PTGER3: variants seen among roughly 807,000 people sequenced by gnomAD.
The protein encoded by PTGER3 is prostaglandin E2 receptor EP3 subtype.
Under a neutral mutation model 34.7 loss-of-function variants are expected in PTGER3, and 22 were observed. That is an observed-to-expected ratio of 0.63 (90% confidence interval 0.45 to 0.91). The LOEUF (loss-of-function observed/expected upper bound fraction) is 0.91, where lower values mean the gene tolerates loss of function less well. Ranked by LOEUF, PTGER3 falls within the 40% of genes least tolerant of loss-of-function variation. The probability of loss-of-function intolerance (pLI) is 0.00; values close to 1 mark genes in which losing one functional copy is unlikely to be tolerated. For missense variants in PTGER3, 468 were observed against 519.4 expected (o/e 0.90, Z 0.96); for synonymous variants, 241 against 230.1 (o/e 1.05, Z -0.43).
At chr1:70,887,481 G>T (rs1274974578) in intron 4 of PTGER3, among the ~76,000 whole-genome samples, 3 of 152,062 alleles carry the variant, frequency 2.0e-5, no homozygotes, top group Non-Finnish European at 4.4e-5. Context: ...CCCATTTTTG[G>T]TGGAATGAGG....
chr1:71,033,534 G>C (rs1413496187), intron 1 of PTGER3, among the ~76,000 whole-genome samples: 1 of 152,196 alleles, frequency 6.6e-6, no homozygotes. Context: ...AATTCCCTGA[G>C]AGCATGAAAC....
intron 4 of PTGER3, among the ~76,000 whole-genome samples, chr1:70,925,448 G>A (rs147516126): frequency 1.1e-3 from 169 of 152,194 alleles, no homozygotes; most frequent in African/African-American, 3.9e-3. Flanking sequence ...AATCATACAA[G>A]TGTAACAAGA....
At chr1:70,987,467 T>C (rs1050322281) in intron 2 of PTGER3, among the ~76,000 whole-genome samples, 2 of 152,164 alleles carry the variant, frequency 1.3e-5, no homozygotes, top group African/African-American at 4.8e-5. Flanking sequence ...ACCACATCAG[T>C]AATTGAGAAG....
At chr1:71,045,997 A>G (rs905032598) in intron 1 of PTGER3, among the ~76,000 whole-genome samples, 1 of 144,146 alleles carries the variant, frequency 6.9e-6, no homozygotes, top group Non-Finnish European at 1.5e-5. Flanking sequence ...ATTTGAAATT[A>G]AAAAAAAAAA....
At chr1:70,970,597 G>T (rs1652972816), downstream of PTGER3, among the ~76,000 whole-genome samples, 1 of 152,034 alleles carries the variant, frequency 6.6e-6, no homozygotes, top group Non-Finnish European at 1.5e-5. Flanking sequence ...TCCTATAGGT[G>T]ACAGCATGGC....
intron 4 of PTGER3, among the ~76,000 whole-genome samples, chr1:70,906,341 T>C (rs902138436): frequency 2.0e-5 from 3 of 152,218 alleles, no homozygotes; most frequent in African/African-American, 7.2e-5. Flanking sequence ...AGAAGAGTGG[T>C]ACAGATGTAA....
intron 2 of PTGER3, chr1:71,010,422 T>A (rs1245731381): frequency 2.0e-6 from 2 of 984,424 alleles, no homozygotes; most frequent in Admixed American, 6.2e-5. Flanking sequence ...GCTCATTGAT[T>A]CACTGAATAA....
Position 71,047,447 on chromosome 1 carries a change from C to G in PTGER3, c.131G>C (p.Gly44Ala), listed in dbSNP as rs750905763. The G allele has an allele frequency of 6.2e-7, 1 of 1,611,066 alleles. No homozygotes were observed. The highest frequency in any genetic ancestry group is 1.1e-5 in the South Asian group (1 of 90,324). Residue 44 changes from glycine to alanine, a missense_variant, in exon 1 of 4, where the codon GGC (glycine) becomes GCC (alanine). Coordinates refer to ENST00000306666, the MANE Select transcript of PTGER3 (RefSeq NM_198719.2). Reference sequence around the variant, plus strand: ...CACGGACACCGATCCGCAATCCTCGCCAGACCCTGGAGGGCGCGTGAGGTT... The same window carrying G: ...CACGGACACCGATCCGCAATCCTCGGCAGACCCTGGAGGGCGCGTGAGGTT... ...RGNLTRPPGSGEDCGSVSVAF... is the reference protein window; with the variant it reads ...RGNLTRPPGSAEDCGSVSVAF...
At chr1:70,912,325 G>GA (rs1245474147) in intron 4 of PTGER3, among the ~76,000 whole-genome samples, 4 of 151,764 alleles carry the variant, frequency 2.6e-5, no homozygotes, top group African/African-American at 4.8e-5. Flanking sequence ...TATGATCTTT[G>GA]AAAAAAACTG....
intron 2 of PTGER3, among the ~76,000 whole-genome samples, chr1:71,005,313 A>T (rs922841550): frequency 6.6e-6 from 1 of 152,206 alleles, no homozygotes; most frequent in Non-Finnish European, 1.5e-5. Flanking sequence ...AGTTTAGTCC[A>T]TTTGACAGAT....
At chr1:71,024,873 TTTTA>T (rs139278168) in intron 1 of PTGER3, among the ~76,000 whole-genome samples, 6,826 of 144,904 alleles carry the variant, frequency 0.047, 210 homozygotes, top group South Asian at 0.087. Flanking sequence ...TACTTGATTC[TTTTA>T]TTTATTTATT....
chr1:70,996,646 T>TATTTATTTATTC lies in PTGER3; in HGVS notation c.1077+15658_1077+15659insGAATAAATAAAT, dbSNP rs1655988264. On this transcript the variant is annotated intron_variant, in intron 2 of 3. Coordinates refer to ENST00000306666, the MANE Select transcript of PTGER3 (RefSeq NM_198719.2). ...CGGCTAATTTTTTTGTATTTTTATT[T>TATTTATTTATTC]ATTTATTTATTTATTTATTTATTTA... 3.7e-5 allele frequency among the ~76,000 whole-genome samples: 5 copies of TATTTATTTATTC among 135,796 alleles called. 1 individual carries two copies. In the South Asian group the frequency reaches 1.2e-3, roughly 32 times the overall value. The allele number at this position is 135,796 out of a possible 152,430, so 89.1% of individuals were successfully genotyped here. A position where few individuals can be genotyped will look rare whatever the true frequency, so the allele number is the denominator to read the frequency against.
At chr1:70,941,232 A>T (rs1430126436) in intron 4 of PTGER3, among the ~76,000 whole-genome samples, 1 of 152,154 alleles carries the variant, frequency 6.6e-6, no homozygotes, top group Non-Finnish European at 1.5e-5. Flanking sequence ...ATAGAATTTG[A>T]AACTCTGAAT....
chr1:70,868,793 A>G (rs1308602143), intron 4 of PTGER3, among the ~76,000 whole-genome samples: 1 of 152,248 alleles, frequency 6.6e-6, no homozygotes, highest in Non-Finnish European at 1.5e-5. Flanking sequence ...TCAAAAGTTC[A>G]TAAATCTTGA....
chr1:70,967,529 AT>A (rs200661194), downstream of PTGER3, among the ~76,000 whole-genome samples: 1,763 of 152,278 alleles, frequency 0.012, 32 homozygotes, highest in African/African-American at 0.04. Context: ...GCCTAGAAAT[AT>A]TTTGTATTAA....
chr1:70,874,832 T>A (rs1037940639), intron 4 of PTGER3, among the ~76,000 whole-genome samples: 19 of 152,152 alleles, frequency 1.2e-4, no homozygotes, highest in African/African-American at 2.9e-4. Flanking sequence ...GTTTTTTTTT[T>A]ATTTGAAACA....
At chr1:71,016,924 A>C (rs1302134972) in intron 1 of PTGER3, among the ~76,000 whole-genome samples, 1 of 152,184 alleles carries the variant, frequency 6.6e-6, no homozygotes, top group Non-Finnish European at 1.5e-5. Context: ...TTATACACCG[A>C]ATTTACTTAA....
At chr1:71,012,830 C>A (rs1657561880) in intron 1 of PTGER3, among the ~76,000 whole-genome samples, 1 of 152,156 alleles carries the variant, frequency 6.6e-6, no homozygotes, top group Non-Finnish European at 1.5e-5. Context: ...TGAGAGCCAA[C>A]ACTTCAACAA....
downstream of PTGER3, chr1:70,951,372 AG>A (rs1650746997): frequency 1.3e-5 from 2 of 152,216 alleles, no homozygotes; most frequent in Non-Finnish European, 2.9e-5. Context: ...GGTGTAGGAA[AG>A]GTCATGTAAG....
Sources: gnomAD v4.1 joint callset for allele counts (sites outside exome capture counted in the v4.1 genomes callset) on GRCh38, gnomAD v4.1.1 for gene constraint, MANE v1.5 for transcripts, NCBI Gene and HGNC (gene_info 2026-07-23, HGNC 2026-07-21) for gene names.